Variants in SLC25A21 observed in about 807,000 individuals in gnomAD.
SLC25A21 encodes the protein mitochondrial 2-oxodicarboxylate carrier.
Under a neutral mutation model 43.8 loss-of-function variants are expected in SLC25A21, and 47 were observed. The observed-to-expected ratio is 1.07, with a 90% confidence interval of 0.85 to 1.37. SLC25A21 has a LOEUF of 1.37. Among genes scored for constraint, SLC25A21 ranks in the 40% most tolerant of loss-of-function variants. The pLI is 0.00. For missense variants in SLC25A21, 352 were observed against 350.2 expected (o/e 1.00, Z -0.04); for synonymous variants, 131 against 121.3 (o/e 1.08, Z -0.52).
At chr14:36,740,087 C>A (rs1315884879) in intron 3 of SLC25A21, among the ~76,000 whole-genome samples, 1 of 152,160 alleles carries the variant, frequency 6.6e-6, no homozygotes, top group African/African-American at 2.4e-5. Context: ...CATCATTGCT[C>A]CCAAGCTAAG....
At position 36,974,608 on chromosome 14, in the gene SLC25A21, T is replaced by C. The variant is rs564218540; in HGVS notation, c.71-99604A>G. Among the ~76,000 whole-genome samples the C allele has an allele frequency of 1.4e-3, 210 of 152,322 alleles. 1 individual carries two copies. Among genetic ancestry groups the C allele is most frequent in the Non-Finnish European group, 2.4e-3 (161 of 68,034 alleles). On this transcript the variant is annotated intron_variant, in intron 1 of 9. Transcript: ENST00000331299. ...CAAGAATATAAACAGACATCAGTAG[T>C]TGCATGAAATTCAAAGGAAATAGAG... is the stretch of plus-strand genomic sequence containing the variant.
chr14:36,993,960 T>C (rs1960318306), intron 1 of SLC25A21, among the ~76,000 whole-genome samples: 1 of 152,190 alleles, frequency 6.6e-6, no homozygotes, highest in Non-Finnish European at 1.5e-5. Flanking sequence ...TGAGAGTTTT[T>C]GCATTGTGTT....
intron 3 of SLC25A21, among the ~76,000 whole-genome samples, chr14:36,811,747 T>C (rs1566637615): frequency 1.3e-5 from 2 of 152,200 alleles, no homozygotes; most frequent in Admixed American, 6.5e-5. Flanking sequence ...TTTGGACAAC[T>C]GACTGACCAT....
intron 1 of SLC25A21, among the ~76,000 whole-genome samples, chr14:37,165,581 G>A (rs961944980): frequency 5.9e-5 from 9 of 152,130 alleles, no homozygotes; most frequent in Non-Finnish European, 1.2e-4. Flanking sequence ...GGCAGGAGGA[G>A]GGTCCTGGAG....
chr14:37,170,480 G>A (rs1424984086), intron 1 of SLC25A21, among the ~76,000 whole-genome samples: 1 of 152,120 alleles, frequency 6.6e-6, no homozygotes, highest in Non-Finnish European at 1.5e-5. Flanking sequence ...TGGACTAGCT[G>A]AGTTTTCTTT....
intron 1 of SLC25A21, among the ~76,000 whole-genome samples, chr14:37,013,386 G>A (rs1960775554): frequency 1.3e-5 from 2 of 152,128 alleles, no homozygotes; most frequent in Non-Finnish European, 2.9e-5. Context: ...TATGACTATT[G>A]TAGCAGCCTG....
chr14:36,705,882 G>A (rs978486787), intron 7 of SLC25A21, among the ~76,000 whole-genome samples: 2 of 152,178 alleles, frequency 1.3e-5, no homozygotes, highest in Non-Finnish European at 2.9e-5. Context: ...GCCAGAGACA[G>A]CCTACAGCAA....
intron 1 of SLC25A21, among the ~76,000 whole-genome samples, chr14:36,985,251 C>T (rs147323722): frequency 0.019 from 2,924 of 151,300 alleles, 97 homozygotes; most frequent in African/African-American, 0.067. Flanking sequence ...GGGTGCAGCG[C>T]ACCAGCATGG....
intron 6 of SLC25A21, among the ~76,000 whole-genome samples, chr14:36,723,062 G>T (rs748931394): frequency 9.2e-5 from 14 of 152,128 alleles, no homozygotes; most frequent in Non-Finnish European, 1.9e-4. Flanking sequence ...TTAACTAAAG[G>T]TTATCTATCC....
intron 1 of SLC25A21, among the ~76,000 whole-genome samples, chr14:37,074,777 G>A (rs1196210294): frequency 2.6e-5 from 4 of 152,216 alleles, no homozygotes; most frequent in Admixed American, 1.3e-4. Flanking sequence ...AGCCGAGATC[G>A]CGCCACTGCA....
intron 1 of SLC25A21, among the ~76,000 whole-genome samples, chr14:37,097,478 T>C (rs1276637152): frequency 6.6e-6 from 1 of 152,150 alleles, no homozygotes; most frequent in South Asian, 2.1e-4. Context: ...AGGGTTCTAT[T>C]TGGCCATCTT....
At chr14:36,892,138 C>G (rs757126154) in intron 1 of SLC25A21, among the ~76,000 whole-genome samples, 1 of 152,122 alleles carries the variant, frequency 6.6e-6, no homozygotes, top group Non-Finnish European at 1.5e-5. Flanking sequence ...AAAGGGAACC[C>G]TCACACACTC....
At chr14:37,030,469 C>T (rs1333120788) in intron 1 of SLC25A21, among the ~76,000 whole-genome samples, 1 of 152,150 alleles carries the variant, frequency 6.6e-6, no homozygotes, top group Non-Finnish European at 1.5e-5. Flanking sequence ...CTTTTAGTTG[C>T]CACATCTTCA....
chr14:37,117,761 C>T (rs1206217299), intron 1 of SLC25A21, among the ~76,000 whole-genome samples: 2 of 152,164 alleles, frequency 1.3e-5, no homozygotes, highest in Middle Eastern at 6.8e-3. Flanking sequence ...CATCTCCTTC[C>T]TAAATGCAGA....
chr14:36,763,148 A>G (rs1346452606), intron 3 of SLC25A21, among the ~76,000 whole-genome samples: 1 of 152,254 alleles, frequency 6.6e-6, no homozygotes, highest in East Asian at 1.9e-4. Flanking sequence ...ACTAAATTAT[A>G]TCTAATGCAG....
At chr14:36,687,449 A>T (rs1472624509) in intron 7 of SLC25A21, among the ~76,000 whole-genome samples, 1 of 152,204 alleles carries the variant, frequency 6.6e-6, no homozygotes, top group Non-Finnish European at 1.5e-5. Context: ...AGGCTGCCAG[A>T]TAAGGACCCA....
intron 1 of SLC25A21, among the ~76,000 whole-genome samples, chr14:37,080,277 G>A (rs777142972): frequency 6.6e-6 from 1 of 152,060 alleles, no homozygotes; most frequent in African/African-American, 2.4e-5. Flanking sequence ...TGTCCCTGAG[G>A]GCACAGACTA....
At chr14:37,043,416 G>A (rs970678398) in intron 1 of SLC25A21, among the ~76,000 whole-genome samples, 5 of 152,160 alleles carry the variant, frequency 3.3e-5, no homozygotes, top group Non-Finnish European at 7.3e-5. Context: ...ACACACTCCA[G>A]TCTGAGCTCC....
chr14:37,086,621 T>C (rs1046439541), intron 1 of SLC25A21, among the ~76,000 whole-genome samples: 1 of 152,190 alleles, frequency 6.6e-6, no homozygotes, highest in Non-Finnish European at 1.5e-5. Context: ...TACCACTCAC[T>C]AGCTGCATGA....
Sources: gnomAD v4.1 joint callset for allele counts (sites outside exome capture counted in the v4.1 genomes callset) on GRCh38, gnomAD v4.1.1 for gene constraint, MANE v1.5 for transcripts, NCBI Gene and HGNC (gene_info 2026-07-23, HGNC 2026-07-21) for gene names.